Variants in SH2D3C observed in about 807,000 individuals in gnomAD.
SH2D3C encodes SH2 domain-containing protein 3C.
Under a neutral mutation model 75.2 loss-of-function variants are expected in SH2D3C, and 25 were observed. That is an observed-to-expected ratio of 0.33 (90% CI 0.24 to 0.46). SH2D3C has a LOEUF of 0.46. Among genes scored for constraint, SH2D3C ranks in the 20% least tolerant of loss-of-function variants. The pLI is 1.00. For synonymous variants in SH2D3C, 450 were observed against 473.7 expected, an observed-to-expected ratio of 0.95 and a Z score of 0.65; for missense variants, 933 against 1,165.3, an observed-to-expected ratio of 0.80 and a Z score of 2.90.
At chr9:127,757,685 G>A (rs143340323) in intron 3 of SH2D3C, among the ~76,000 whole-genome samples, 2,075 of 145,492 alleles carry the variant, frequency 0.014, 20 homozygotes, top group South Asian at 0.048. Context: ...ATGGAGTCTC[G>A]CTCCATCACC....
rs2131811353 is a variant in SH2D3C at position 127,774,037 on chromosome 9, T to G, written c.468A>C (p.Thr156=). 6.2e-7 allele frequency: 1 copy of G among 1,614,180 alleles called. No homozygotes were observed. Among genetic ancestry groups the G allele is most frequent in the East Asian group, 2.2e-5 (1 of 44,890 alleles). The change falls in exon 2 of 12, where the codon ACA becomes ACC. Residue 156 remains threonine, a synonymous_variant. Transcript: ENST00000314830. The surrounding 1 kb of genome is among the most constrained non-coding windows in gnomAD (Gnocchi z 4.3). The stretch of plus-strand genomic sequence containing the variant: ...GAGGTCTCTCCTCTTCTACGTCTCC[T>G]GTGGGGACCTCAGGCTTTCTGATGG... ...VDPIRKPEVP[T]GDVEEERPPR...
chr9:127,772,836 CTT>C (rs564249856), intron 2 of SH2D3C, among the ~76,000 whole-genome samples: 3 of 143,422 alleles, frequency 2.1e-5, no homozygotes, highest in African/African-American at 2.6e-5. Flanking sequence ...ATAATTGAAT[CTT>C]TTTTTTTTTT....
chr9:127,762,160 C>A (rs1014904543), intron 2 of SH2D3C: 102 of 1,173,704 alleles, frequency 8.7e-5, no homozygotes, highest in Non-Finnish European at 1.1e-4. Context: ...CCAGTCACGG[C>A]CACTGCCCAG....
At chr9:127,765,316 T>C (rs1011322772) in intron 2 of SH2D3C, among the ~76,000 whole-genome samples, 2 of 152,214 alleles carry the variant, frequency 1.3e-5, no homozygotes, top group Non-Finnish European at 2.9e-5. Flanking sequence ...TTAGCACGCA[T>C]TTCCTCTCAT....
chr9:127,765,762 A>G (rs1845621095), intron 2 of SH2D3C, among the ~76,000 whole-genome samples: 1 of 152,218 alleles, frequency 6.6e-6, no homozygotes, highest in African/African-American at 2.4e-5. Flanking sequence ...CAGGAATCAA[A>G]GCATCCATTT....
rs776731089 is a variant in SH2D3C, at chr9:127,749,202, C to A, written c.1139+9G>T. The A allele has an allele frequency of 3.2e-6, 5 of 1,541,396 alleles. No homozygotes were observed. The Admixed American group carries it at 7.5e-5, about 23-fold the overall frequency. On this transcript the variant is annotated intron_variant, in intron 5 of 11. Coordinates refer to ENST00000314830, the MANE Select transcript of SH2D3C (RefSeq NM_170600.3). The surrounding 1 kb of genome is among the most constrained non-coding windows in gnomAD (Gnocchi z 5.9). ...ACAACCCCATTTGACAAATGGGGCC[C>A]TGGCTGACCTGGTGGGGCAGCCATC...
intron 1 of SH2D3C, among the ~76,000 whole-genome samples, chr9:127,776,383 A>T (rs1588529273): frequency 1.4e-5 from 2 of 146,948 alleles, no homozygotes. Flanking sequence ...TGGAATGAGG[A>T]GGGGGTTGTT....
In SH2D3C at chr9:127,738,679, G is replaced by A. The variant is rs1844755287; in HGVS notation, c.*67C>T. 2 of 1,457,844 alleles carry A rather than the reference G, an allele frequency of 1.4e-6. No homozygotes were observed. The highest frequency in any genetic ancestry group is 5.0e-5 in the East Asian group (2 of 39,974). The allele number at this position is 1,457,844 out of a possible 1,614,324, so 90.3% of individuals were successfully genotyped here. A position where few individuals can be genotyped will look rare whatever the true frequency, so the allele number is the denominator to read the frequency against. On this transcript the variant is annotated 3_prime_UTR_variant, in exon 12 of 12. Transcript: ENST00000314830. This position sits in a 1 kb window ranked among gnomAD's most constrained non-coding sequence, Gnocchi z 5.0. The stretch of plus-strand genomic sequence containing the variant: ...GATCACAGTGTCCTTGGGGTGCTCT[G>A]GGGAAAGTTGTGTGCCCCTCTGCCC...
In SH2D3C at chr9:127,749,788, C is replaced by T. The variant is rs373463978; in HGVS notation, c.685-123G>A. On this transcript the variant is annotated intron_variant, in intron 4 of 11. Transcript: ENST00000314830. This position sits in a 1 kb window ranked among gnomAD's most constrained non-coding sequence, Gnocchi z 5.9. ...AAGACCAGACCCAGGGCATAGAGGA[C>T]CCAATGAACAGAGACATCTGACATC... The T allele has an allele frequency of 2.5e-4, 164 of 653,092 alleles. No homozygotes were observed. In the African/African-American group the frequency reaches 2.5e-3, roughly 10 times the overall value. The allele number at this position is 653,092 out of a possible 1,614,324, so 40.5% of individuals were successfully genotyped here.
intron 2 of SH2D3C, among the ~76,000 whole-genome samples, chr9:127,764,599 A>G (rs1048808162): frequency 1.3e-5 from 2 of 151,118 alleles, no homozygotes; most frequent in African/African-American, 4.9e-5. Context: ...GCGCTGCTCC[A>G]TCTCCCCCAC....
chr9:127,756,543 C>T (rs1588510147), intron 3 of SH2D3C, among the ~76,000 whole-genome samples: 1 of 151,886 alleles, frequency 6.6e-6, no homozygotes, highest in Non-Finnish European at 1.5e-5. Flanking sequence ...ATTTAAGAAT[C>T]CTTGCCTTAG....
In SH2D3C at chr9:127,760,948, T is replaced by C. The variant is rs1428072550; in HGVS notation, c.555+663A>G. ...TCCGCCTCCTGGGTTCAAGCGATTC[T>C]CCTGCCTCAGCTTCCTGAGTAGCTG... is the stretch of plus-strand genomic sequence containing the variant. On this transcript the variant is annotated intron_variant, in intron 3 of 11. Coordinates refer to ENST00000314830, the MANE Select transcript of SH2D3C (RefSeq NM_170600.3). 9.2e-5 allele frequency among the ~76,000 whole-genome samples: 14 copies of C among 152,098 alleles called. 1 individual carries two copies. Among genetic ancestry groups the C allele is most frequent in the Admixed American group, 9.2e-4 (14 of 15,262 alleles).
Position 127,739,561 on chromosome 9 carries a change from G to T in SH2D3C, c.2407+121C>A. The T allele has an allele frequency of 1.3e-6, 1 of 799,328 alleles. No individual in the cohort carries two copies. The highest frequency in any genetic ancestry group is 1.9e-6 in the Non-Finnish European group (1 of 516,142). The allele number at this position is 799,328 out of a possible 1,614,324, so 49.5% of individuals were successfully genotyped here. ...AGACATGAGAGGAAGGGGTCAGGGA[G>T]ACAGGGCAGGACAGAGGAGTGGAGA... is the stretch of plus-strand genomic sequence containing the variant. On this transcript the variant is annotated intron_variant, in intron 11 of 11. Coordinates refer to ENST00000314830, the MANE Select transcript of SH2D3C (RefSeq NM_170600.3). The surrounding 1 kb of genome is among the most constrained non-coding windows in gnomAD (Gnocchi z 4.3).
intron 2 of SH2D3C, among the ~76,000 whole-genome samples, chr9:127,769,048 AG>A (rs1276635793): frequency 6.6e-6 from 1 of 152,144 alleles, no homozygotes; most frequent in Non-Finnish European, 1.5e-5. Context: ...TTTCTCGTTA[AG>A]GCTTTTCTCT....
chr9:127,760,645 CA>C (rs1283897701), intron 3 of SH2D3C, among the ~76,000 whole-genome samples: 1 of 151,898 alleles, frequency 6.6e-6, no homozygotes, highest in African/African-American at 2.4e-5. Flanking sequence ...CAGGGCAAGT[CA>C]CTGCACTTCT....
rs1207111715 is a variant in SH2D3C at position 127,739,125 on chromosome 9, A to G, written c.2408-204T>C. Among the ~76,000 whole-genome samples, 1 of 151,762 alleles carries G rather than the reference A, an allele frequency of 6.6e-6. No homozygotes were observed. The highest frequency in any genetic ancestry group is 2.4e-5 in the African/African-American group (1 of 41,250). On this transcript the variant is annotated intron_variant, in intron 11 of 11. Transcript: ENST00000314830. The surrounding 1 kb of genome is among the most constrained non-coding windows in gnomAD (Gnocchi z 4.3). Reference sequence around the variant, plus strand: ...TTTAAAAATGACTAGACCATAAAATATTAATGTTAAATATGTTTGCAGATT... The same window carrying G: ...TTTAAAAATGACTAGACCATAAAATGTTAATGTTAAATATGTTTGCAGATT...
chr9:127,756,370 CA>C (rs1845379028), intron 3 of SH2D3C, among the ~76,000 whole-genome samples: 1 of 152,196 alleles, frequency 6.6e-6, no homozygotes, highest in Non-Finnish European at 1.5e-5. Context: ...CAAAGGGAGC[CA>C]TTGCTGATTC....
chr9:127,755,027 G>A lies in SH2D3C; in HGVS notation c.556-3727C>T, dbSNP rs1371176195. On this transcript the variant is annotated intron_variant, in intron 3 of 11. Transcript: ENST00000314830. Reference sequence around the variant, plus strand: ...CTGGCTCTAGGGCCCCGGGCGGAGCGGCCGGGGGTCCCAGCCCGGCGCGCG... The same window carrying A: ...CTGGCTCTAGGGCCCCGGGCGGAGCAGCCGGGGGTCCCAGCCCGGCGCGCG... 15 of 918,220 alleles carry A rather than the reference G, an allele frequency of 1.6e-5. No homozygotes were observed. In the East Asian group the frequency reaches 6.6e-4, roughly 40 times the overall value. The allele number at this position is 918,220 out of a possible 1,614,324, so 56.9% of individuals were successfully genotyped here.
At position 127,778,586 on chromosome 9, in the gene SH2D3C, C is replaced by A. The variant is rs746563680; in HGVS notation, c.37+5G>T. 1.2e-6 allele frequency: 2 copies of A among 1,612,018 alleles called. No individual in the cohort carries two copies. Among genetic ancestry groups the A allele is most frequent in the Admixed American group, 3.3e-5 (2 of 60,026 alleles). Reference sequence around the variant, plus strand: ...AGGACAGTGCAGACGGCACCCCACACTCACTGAACTTTTTGCTGGTCTTCT... The same window carrying A: ...AGGACAGTGCAGACGGCACCCCACAATCACTGAACTTTTTGCTGGTCTTCT... On this transcript the variant is annotated splice_donor_5th_base_variant and intron_variant, in intron 1 of 11. Coordinates refer to ENST00000314830, the MANE Select transcript of SH2D3C (RefSeq NM_170600.3).
Sources: gnomAD v4.1 joint callset for allele counts (sites outside exome capture counted in the v4.1 genomes callset) on GRCh38, gnomAD v4.1.1 for gene constraint, Gnocchi (gnomAD v3.1) non-coding constraint, MANE v1.5 for transcripts, NCBI Gene and HGNC (gene_info 2026-07-23, HGNC 2026-07-21) for gene names.